Variants in PCDHGA4 observed in about 807,000 individuals in gnomAD.
PCDHGA4 encodes the protein protocadherin gamma subfamily A, 4.
PCDHGA4 carries 38 observed loss-of-function variants against 54.6 expected under a neutral mutation model. The observed-to-expected ratio is 0.70, with a 90% CI of 0.54 to 0.91. PCDHGA4 has a LOEUF of 0.91. Among genes scored for constraint, PCDHGA4 ranks in the 40% least tolerant of loss-of-function variants. PCDHGA4 has a pLI of 0.00. For missense variants in PCDHGA4, 1,298 were observed against 1,220.9 expected, an observed-to-expected ratio of 1.06 and a Z score of -0.94; for synonymous variants, 511 against 512.9, an observed-to-expected ratio of 1.00 and a Z score of 0.05.
chr5:141,485,632 G>T lies in PCDHGA4; in HGVS notation c.2515-9175G>T. The T allele has an allele frequency of 6.2e-7, 1 of 1,611,766 alleles. No homozygotes were observed. Among genetic ancestry groups the T allele is most frequent in the Non-Finnish European group, 8.5e-7 (1 of 1,178,342 alleles). The stretch of plus-strand genomic sequence containing the variant: ...CAGCTCCTCCAGGACAGCGTTTCCC[G>T]TTGGAAAAGGCTCAGGATGCAGATG... On this transcript the variant is annotated intron_variant, in intron 1 of 3. Coordinates refer to ENST00000571252, the MANE Select transcript of PCDHGA4 (RefSeq NM_018917.4). This position sits in a 1 kb window ranked among gnomAD's most constrained non-coding sequence, Gnocchi z 5.7.
At chr5:141,393,230 A>G (rs2092708331) in intron 1 of PCDHGA4, 1 of 1,613,764 alleles carries the variant, frequency 6.2e-7, no homozygotes, top group Non-Finnish European at 8.5e-7. Context: ...AAGATCTAGA[A>G]GTAAAAATTA....
chr5:141,430,975 G>A (rs776670383), intron 1 of PCDHGA4: 2 of 1,613,208 alleles, frequency 1.2e-6, no homozygotes, highest in Admixed American at 1.7e-5. Flanking sequence ...GAGGTAGGAC[G>A]CAGCTTTTCG....
At chr5:141,484,968 C>A (rs2099604490) in intron 1 of PCDHGA4, 2 of 585,734 alleles carry the variant, frequency 3.4e-6, no homozygotes, top group African/African-American at 3.7e-5. Context: ...GCCCGGGAGC[C>A]GCTGTCTGCC....
intron 1 of PCDHGA4, chr5:141,417,979 G>C (rs2096202372): frequency 6.2e-7 from 1 of 1,613,752 alleles, no homozygotes; most frequent in Admixed American, 1.7e-5. Context: ...TTCCGGAGGA[G>C]CTGGCCAAGG....
In PCDHGA4 at chr5:141,489,399, C is replaced by A. The variant is rs2099686689; in HGVS notation, c.2515-5408C>A. On this transcript the variant is annotated intron_variant, in intron 1 of 3. Coordinates refer to ENST00000571252, the MANE Select transcript of PCDHGA4 (RefSeq NM_018917.4). The surrounding 1 kb of genome is among the most constrained non-coding windows in gnomAD (Gnocchi z 4.5). ...TGGGGAATGTTGCTCAGGATCTGGGCTTAAAGATGACAGATCTGTTGAGCC... is the reference window on the plus strand; with the variant it reads ...TGGGGAATGTTGCTCAGGATCTGGGATTAAAGATGACAGATCTGTTGAGCC... 1 of 1,614,024 alleles carries A rather than the reference C, an allele frequency of 6.2e-7. No homozygotes were observed. Among genetic ancestry groups the A allele is most frequent in the African/African-American group, 1.3e-5 (1 of 74,910 alleles).
intron 1 of PCDHGA4, chr5:141,419,140 G>A (rs1359933027): frequency 1.2e-6 from 2 of 1,613,750 alleles, no homozygotes; most frequent in East Asian, 2.2e-5. Flanking sequence ...CCACAGACAG[G>A]GGCAAGCCTC....
Position 141,356,450 on chromosome 5 carries a change from A to C in PCDHGA4, c.1343A>C (p.Glu448Ala). The C allele has an allele frequency of 6.2e-7, 1 of 1,613,120 alleles. No homozygotes were observed. The highest frequency in any genetic ancestry group is 8.5e-7 in the Non-Finnish European group (1 of 1,179,398). ...HRTLDREEVS[E>A]YNITVTATDQ... Reference sequence around the variant, plus strand: ...ACACTGGACAGGGAAGAAGTCTCAGAATATAACATCACTGTAACTGCCACT... The same window carrying C: ...ACACTGGACAGGGAAGAAGTCTCAGCATATAACATCACTGTAACTGCCACT... The change falls in exon 1 of 4, where the codon GAA (glutamate) becomes GCA (alanine). Residue 448 changes from glutamate to alanine, a missense_variant. Glu to Ala is a moderately radical substitution (Grantham distance 107, BLOSUM62 -1). Coordinates refer to ENST00000571252, the MANE Select transcript of PCDHGA4 (RefSeq NM_018917.4).
intron 1 of PCDHGA4, chr5:141,422,140 C>CG (rs1369033587): frequency 6.3e-7 from 1 of 1,586,656 alleles, no homozygotes; most frequent in Non-Finnish European, 8.5e-7. Context: ...AGTTCAAGTA[C>CG]GGGGGTCTCT....
chr5:141,489,405 G>A lies in PCDHGA4; in HGVS notation c.2515-5402G>A. ...ATGTTGCTCAGGATCTGGGCTTAAA[G>A]ATGACAGATCTGTTGAGCCGGCGGC... On this transcript the variant is annotated intron_variant, in intron 1 of 3. Transcript: ENST00000571252. This position sits in a 1 kb window ranked among gnomAD's most constrained non-coding sequence, Gnocchi z 4.5. The A allele has an allele frequency of 1.2e-6, 2 of 1,614,204 alleles. No individual in the cohort carries two copies. The highest frequency in any genetic ancestry group is 2.2e-5 in the South Asian group (2 of 91,088).
chr5:141,357,099 G>A lies in PCDHGA4; in HGVS notation c.1992G>A (p.Leu664=), dbSNP rs1760468587. The part of the protein sequence containing the change: ...TGEVRTARAL[L]DRDALKQRLV... ...AGGTGCGCACCGCACGGGCCCTGCTGGACAGAGACGCGCTCAAGCAGAGGC... is the reference window on the plus strand; with the variant it reads ...AGGTGCGCACCGCACGGGCCCTGCTAGACAGAGACGCGCTCAAGCAGAGGC... The change falls in exon 1 of 4, where the codon CTG becomes CTA. Residue 664 remains leucine, a synonymous_variant. Transcript: ENST00000571252. The A allele has an allele frequency of 6.2e-7, 1 of 1,613,872 alleles. No individual in the cohort carries two copies. The highest frequency in any genetic ancestry group is 8.5e-7 in the Non-Finnish European group (1 of 1,179,956).
chr5:141,414,715 G>A, intron 1 of PCDHGA4: 1 of 1,614,128 alleles, frequency 6.2e-7, no homozygotes. Context: ...CATCAACTCA[G>A]ACACTGGCGT....
At chr5:141,374,852 G>C in intron 1 of PCDHGA4, 1 of 1,613,798 alleles carries the variant, frequency 6.2e-7, no homozygotes, top group Middle Eastern at 1.6e-4. Context: ...AAACCTGCCA[G>C]TAGGCACACC....
chr5:141,388,453 A>G (rs556619446), intron 1 of PCDHGA4: 1 of 1,613,846 alleles, frequency 6.2e-7, no homozygotes, highest in East Asian at 2.2e-5. Flanking sequence ...GATGGCAGTA[A>G]ATACCCTGAG....
intron 1 of PCDHGA4, chr5:141,366,838 T>G: frequency 6.7e-7 from 1 of 1,503,394 alleles, no homozygotes; most frequent in Non-Finnish European, 8.9e-7. Context: ...ATCAGCTAGT[T>G]ATGTAAATAG....
At chr5:141,504,643 G>A (rs1049421626) in intron 2 of PCDHGA4, among the ~76,000 whole-genome samples, 3 of 124,276 alleles carry the variant, frequency 2.4e-5, no homozygotes, top group African/African-American at 9.0e-5. Flanking sequence ...AAGGTTTGAT[G>A]ATAGAGTGTT....
Position 141,491,215 on chromosome 5 carries a change from A to G in PCDHGA4, c.2515-3592A>G, listed in dbSNP as rs546893944. 2.5e-6 allele frequency: 4 copies of G among 1,614,196 alleles called. No individual in the cohort carries two copies. Among genetic ancestry groups the G allele is most frequent in the Non-Finnish European group, 3.4e-6 (4 of 1,180,036 alleles). On this transcript the variant is annotated intron_variant, in intron 1 of 3. Coordinates refer to ENST00000571252, the MANE Select transcript of PCDHGA4 (RefSeq NM_018917.4). This position sits in a 1 kb window ranked among gnomAD's most constrained non-coding sequence, Gnocchi z 6.9. ...CAATGGTGACCCTTCACTCTCCTCC[A>G]CAGCCACAGTGCTGCTGGTTCTGGA...
chr5:141,409,369 C>T, intron 1 of PCDHGA4: 1 of 1,613,986 alleles, frequency 6.2e-7, no homozygotes, highest in Non-Finnish European at 8.5e-7. Flanking sequence ...TAGAAACAGA[C>T]ATTCCATTCA....
intron 1 of PCDHGA4, among the ~76,000 whole-genome samples, chr5:141,459,095 G>A (rs61275874): frequency 0.28 from 42,440 of 152,066 alleles, 6,652 homozygotes; most frequent in African/African-American, 0.43. Context: ...ATTATACAGT[G>A]CAATGCATTT....
At chr5:141,461,281 C>T (rs1305044383) in intron 1 of PCDHGA4, among the ~76,000 whole-genome samples, 1 of 152,050 alleles carries the variant, frequency 6.6e-6, no homozygotes, top group Non-Finnish European at 1.5e-5. Flanking sequence ...CTCTTTTCCC[C>T]ACATCCACAC....
Sources: gnomAD v4.1 joint callset for allele counts (sites outside exome capture counted in the v4.1 genomes callset) on GRCh38, gnomAD v4.1.1 for gene constraint, Gnocchi (gnomAD v3.1) non-coding constraint, MANE v1.5 for transcripts, NCBI Gene and HGNC (gene_info 2026-07-23, HGNC 2026-07-21) for gene names.